SLC41A2: variants seen among roughly 807,000 people sequenced by gnomAD.
SLC41A2 encodes the protein solute carrier family 41 member 2, also known as SLC41A1-like 1.
A neutral mutation model predicts 58.3 loss-of-function variants in SLC41A2; 32 were observed. That is an observed-to-expected ratio of 0.55 (90% CI 0.41 to 0.74). The LOEUF (loss-of-function observed/expected upper bound fraction) is 0.74, where lower values mean the gene tolerates loss of function less well. Ranked by LOEUF, SLC41A2 falls within the 30% of genes least tolerant of loss-of-function variation. SLC41A2 has a pLI of 0.00. For synonymous variants in SLC41A2, 190 were observed against 235.0 expected (o/e 0.81, Z 1.75); for missense variants, 514 against 680.6 (o/e 0.76, Z 2.72).
At chr12:104,872,161 T>C (rs1182187171) in intron 6 of SLC41A2, among the ~76,000 whole-genome samples, 1 of 149,048 alleles carries the variant, frequency 6.7e-6, no homozygotes, top group Non-Finnish European at 1.5e-5. Flanking sequence ...TTGGCTGGAG[T>C]AAAAGGTATA....
rs566648988 is a variant in SLC41A2 at position 104,817,472 on chromosome 12, T to C, written c.1537-12135A>G. 9.2e-5 allele frequency among the ~76,000 whole-genome samples: 14 copies of C among 152,328 alleles called. No homozygotes were observed. The East Asian group carries it at 2.7e-3, about 29-fold the overall frequency. On this transcript the variant is annotated intron_variant, in intron 10 of 10. Coordinates refer to ENST00000258538, the MANE Select transcript of SLC41A2 (RefSeq NM_001352171.3). The stretch of plus-strand genomic sequence containing the variant: ...TATAAATTTTTTAATTGTTTTTTAC[T>C]TTTTAAACACTTTTGTAATGACAAA...
intron 6 of SLC41A2, among the ~76,000 whole-genome samples, chr12:104,868,478 G>A (rs1593032425): frequency 6.6e-6 from 1 of 151,878 alleles, no homozygotes; most frequent in South Asian, 2.1e-4. Context: ...TCACTGCCCT[G>A]AATTTTCAAA....
At chr12:104,891,004 C>A (rs1019470615) in intron 4 of SLC41A2, among the ~76,000 whole-genome samples, 2 of 152,174 alleles carry the variant, frequency 1.3e-5, no homozygotes, top group Non-Finnish European at 2.9e-5. Context: ...TACTCCCCTC[C>A]CACACTCATC....
At chr12:104,950,211 C>T (rs1231936517) in intron 1 of SLC41A2, among the ~76,000 whole-genome samples, 1 of 152,098 alleles carries the variant, frequency 6.6e-6, no homozygotes, top group African/African-American at 2.4e-5. Context: ...TGTCCCCACC[C>T]AAATCTGATC....
At chr12:104,949,539 A>G (rs1053163798) in intron 1 of SLC41A2, among the ~76,000 whole-genome samples, 1 of 152,212 alleles carries the variant, frequency 6.6e-6, no homozygotes, top group Non-Finnish European at 1.5e-5. Flanking sequence ...GTAAGTGTTC[A>G]CCAACTACAA....
At chr12:104,918,173 A>T (rs1450932941) in intron 2 of SLC41A2, among the ~76,000 whole-genome samples, 1 of 151,996 alleles carries the variant, frequency 6.6e-6, no homozygotes, top group African/African-American at 2.4e-5. Context: ...ATAAGGACAT[A>T]GGCACTCTTT....
chr12:104,909,759 A>G lies in SLC41A2; in HGVS notation c.559T>C (p.Trp187Arg), dbSNP rs756573859. The change falls in exon 3 of 11, where the codon TGG becomes CGG. Residue 187 changes from tryptophan to arginine, a missense_variant. Transcript: ENST00000258538. ...TCTGTAACTTTTCTGAACACCTCCC[A>G]GTGCTGTAAGAAAAAAAATAAAATA... ...AGMVLDIVQH[W>R]EVFRKVTEVF... 6.4e-7 allele frequency: 1 copy of G among 1,567,684 alleles called. No homozygotes were observed. The highest frequency in any genetic ancestry group is 1.2e-5 in the South Asian group (1 of 83,708).
intron 2 of SLC41A2, among the ~76,000 whole-genome samples, chr12:104,913,305 A>G (rs1021434173): frequency 6.6e-6 from 1 of 152,038 alleles, no homozygotes. Context: ...GATCAACCAC[A>G]CCCCATTATA....
chr12:104,925,287 G>C (rs144680119), intron 2 of SLC41A2, among the ~76,000 whole-genome samples: 21 of 152,276 alleles, frequency 1.4e-4, no homozygotes, highest in African/African-American at 4.6e-4. Context: ...GGCCAGGCGC[G>C]GTGGCTCACG....
intron 2 of SLC41A2, among the ~76,000 whole-genome samples, chr12:104,916,463 G>GA (rs1005619334): frequency 1.2e-3 from 179 of 152,124 alleles, no homozygotes; most frequent in African/African-American, 4.3e-3. Context: ...CACAGAATTG[G>GA]AAAAAACTAC....
chr12:104,950,314 C>T lies in SLC41A2; in HGVS notation c.-168+7774G>A, dbSNP rs1008712064. On this transcript the variant is annotated intron_variant, in intron 1 of 10. Transcript: ENST00000258538. ...GGGTTGGATTCCCCCACGCTGTTCT[C>T]ATGATTTTGAGTGAATTCTCATGAG... 1.6e-4 allele frequency among the ~76,000 whole-genome samples: 24 copies of T among 152,084 alleles called. 1 individual carries two copies. The highest frequency in any genetic ancestry group is 9.8e-4 in the Admixed American group (15 of 15,268).
intron 1 of SLC41A2, among the ~76,000 whole-genome samples, chr12:104,957,647 G>A (rs557691283): frequency 2.0e-5 from 3 of 152,330 alleles, no homozygotes; most frequent in African/African-American, 4.8e-5. Context: ...TTTTAAATTT[G>A]AGATATGCTC....
chr12:104,851,782 G>A (rs1373133511), intron 8 of SLC41A2: 4 of 152,040 alleles, frequency 2.6e-5, no homozygotes, highest in Non-Finnish European at 4.4e-5. Context: ...TTAAAGTCTG[G>A]ATTCTCTAAA....
chr12:104,838,791 A>G (rs2047127), intron 10 of SLC41A2, among the ~76,000 whole-genome samples: 58,338 of 152,000 alleles, frequency 0.38, 11,454 homozygotes, highest in South Asian at 0.58. Context: ...TGGCTGTTTC[A>G]TGCATTTCAA....
chr12:104,954,664 C>T (rs1203375537), intron 1 of SLC41A2, among the ~76,000 whole-genome samples: 1 of 152,034 alleles, frequency 6.6e-6, no homozygotes, highest in East Asian at 1.9e-4. Flanking sequence ...GGTTATAAAC[C>T]CGAAATTACC....
At chr12:104,845,694 C>T (rs1167370374) in intron 9 of SLC41A2, 149 bp downstream of exon 9, 2 of 615,874 alleles carry the variant, frequency 3.2e-6, no homozygotes, top group Non-Finnish European at 5.1e-6. Flanking sequence ...ACTTGATACA[C>T]ATGCCTTTTC....
chr12:104,881,514 A>G (rs879119603), intron 6 of SLC41A2, among the ~76,000 whole-genome samples: 1 of 151,936 alleles, frequency 6.6e-6, no homozygotes, highest in African/African-American at 2.4e-5. Context: ...CTGGTATGTT[A>G]TGTCTTTGGT....
chr12:104,905,033 A>G (rs1046505047), intron 3 of SLC41A2, among the ~76,000 whole-genome samples: 12 of 152,004 alleles, frequency 7.9e-5, no homozygotes, highest in African/African-American at 2.9e-4. Flanking sequence ...CTGTTTTGTC[A>G]GGGCACTGAT....
intron 10 of SLC41A2, chr12:104,834,180 A>G (rs1377122284): frequency 4.1e-6 from 4 of 985,368 alleles, no homozygotes; most frequent in Non-Finnish European, 4.8e-6. Flanking sequence ...AAGCATACCT[A>G]TCTAAAGAAT....
Sources: gnomAD v4.1 joint callset for allele counts (sites outside exome capture counted in the v4.1 genomes callset) on GRCh38, gnomAD v4.1.1 for gene constraint, MANE v1.5 for transcripts, NCBI Gene and HGNC (gene_info 2026-07-23, HGNC 2026-07-21) for gene names.